The following MED16 variants were observed in gnomAD, a reference collection of about 807,000 sequenced individuals.
MED16 encodes the protein mediator of RNA polymerase II transcription subunit 16.
Under a neutral mutation model 84.4 loss-of-function variants are expected in MED16, and 81 were observed. The observed-to-expected ratio is 0.96, with a 90% CI of 0.80 to 1.15. The LOEUF is 1.15. MED16 is among the 50% of genes most tolerant of loss of function. The pLI, the probability that MED16 is intolerant of heterozygous loss-of-function variation, is 0.00. For missense variants in MED16, 1,585 were observed against 1,245.9 expected (o/e 1.27, Z -4.10); for synonymous variants, 897 against 552.2 (o/e 1.62, Z -8.76).
chr19:870,723 G>A (rs957603552), intron 13 of MED16, among the ~76,000 whole-genome samples: 4 of 151,788 alleles, frequency 2.6e-5, no homozygotes, highest in East Asian at 3.9e-4. Flanking sequence ...ATGGAGGGAA[G>A]GAGCCGTATG....
chr19:886,345 C>T, intron 4 of MED16, 144 bp from the exon 5 acceptor site: 1 of 693,768 alleles, frequency 1.4e-6, no homozygotes, highest in Non-Finnish European at 2.3e-6. Context: ...GCCACCTGAG[C>T]CGTGTGGGAT....
intron 8 of MED16, among the ~76,000 whole-genome samples, chr19:879,047 GGTTGTCAAT>G (rs2036343968): frequency 1.0e-5 from 1 of 99,674 alleles, no homozygotes; most frequent in Non-Finnish European, 1.8e-5. Context: ...ACCTTCCCCC[GGTTGTCAAT>G]GCCCACCAGC....
chr19:884,789 T>C, intron 6 of MED16, 114 bp downstream of exon 6: 4 of 772,296 alleles, frequency 5.2e-6, no homozygotes, highest in Non-Finnish European at 6.5e-6. Context: ...AGACGATCGC[T>C]TAGGGCCGGG....
rs569025712 is a variant in MED16, at chr19:881,717, G to A, written c.986-3C>T. Reference sequence around the variant, plus strand: ...AATTGTGGGCTGTTTGTCGCCAACTGAAAAATCAGGGGCAGGAAAACAGGA... The same window carrying A: ...AATTGTGGGCTGTTTGTCGCCAACTAAAAAATCAGGGGCAGGAAAACAGGA... On this transcript the variant is annotated splice_region_variant and splice_polypyrimidine_tract_variant and intron_variant, in intron 6 of 15. Transcript: ENST00000325464. 7.1e-5 allele frequency: 114 copies of A among 1,607,880 alleles called. No individual in the cohort carries two copies. The highest frequency in any genetic ancestry group is 8.5e-5 in the Non-Finnish European group (100 of 1,176,594).
chr19:890,132 C>G lies in MED16; in HGVS notation c.277+5G>C. On this transcript the variant is annotated splice_donor_5th_base_variant and intron_variant, in intron 3 of 15. Coordinates refer to ENST00000325464, the MANE Select transcript of MED16 (RefSeq NM_005481.3). ...ACCCCTGGCCACGTGGGACCAGCGC[C>G]TCACCTGACTGGTCCCACTCCAGGC... 1.9e-6 allele frequency: 3 copies of G among 1,543,310 alleles called. No individual in the cohort carries two copies. Among genetic ancestry groups the G allele is most frequent in the Non-Finnish European group, 2.6e-6 (3 of 1,142,602 alleles).
chr19:873,862 T>C (rs1255805362), intron 10 of MED16, among the ~76,000 whole-genome samples: 1 of 152,080 alleles, frequency 6.6e-6, no homozygotes, highest in Non-Finnish European at 1.5e-5. Context: ...GGGCCACCAG[T>C]GCTCAGGCCC....
intron 6 of MED16, among the ~76,000 whole-genome samples, chr19:884,403 A>T (rs1189613713): frequency 1.3e-5 from 2 of 150,606 alleles, no homozygotes; most frequent in African/African-American, 4.9e-5. Flanking sequence ...GCCCCAGAAG[A>T]GGCTGCTGGA....
chr19:868,515 C>A lies in MED16; in HGVS notation c.2400-16G>T. 1 of 1,607,860 alleles carries A rather than the reference C, an allele frequency of 6.2e-7. No homozygotes were observed. Among genetic ancestry groups the A allele is most frequent in the Non-Finnish European group, 8.5e-7 (1 of 1,179,646 alleles). On this transcript the variant is annotated splice_polypyrimidine_tract_variant and intron_variant, in intron 14 of 15. Transcript: ENST00000325464. ...ACAGCCGCACCTGCGGGGAGGCAGG[C>A]ACTGAGCGGGTTCCCACTTCCAGGC... is the stretch of plus-strand genomic sequence containing the variant.
At chr19:889,886 G>T in intron 3 of MED16, 79 bp from the exon 4 acceptor site, 2 of 1,484,906 alleles carry the variant, frequency 1.3e-6, no homozygotes, top group Non-Finnish European at 1.8e-6. Flanking sequence ...AGCGCCTGGG[G>T]GAAGCCAGCC....
rs1263764698 is a variant in MED16, at chr19:868,150, G to C, written c.2585C>G (p.Pro862Arg). Residue 862 changes from proline to arginine, a missense_variant, in exon 16 of 16, where the codon CCC becomes CGC. Coordinates refer to ENST00000325464, the MANE Select transcript of MED16 (RefSeq NM_005481.3). ...QLGPQSTHHS[P>R]RTPRSLDHLH... ...ATGGTCCAGGGATCTGGGGGTCCTG[G>C]GAGAGTGGTGTGTGGACTGCGGGCC... 2.5e-6 allele frequency: 4 copies of C among 1,611,708 alleles called. No homozygotes were observed. The Admixed American group carries it at 6.7e-5, about 27-fold the overall frequency.
At chr19:873,310 G>T (rs2036141494) in intron 11 of MED16, 139 bp downstream of exon 11, 1 of 691,496 alleles carries the variant, frequency 1.4e-6, no homozygotes, top group African/African-American at 2.0e-5. Context: ...TCCAAGTAGG[G>T]GCGGGACTCC....
At chr19:869,117 C>A (rs376132211) in intron 13 of MED16, among the ~76,000 whole-genome samples, 171 bp from the exon 14 acceptor site, 14 of 152,116 alleles carry the variant, frequency 9.2e-5, no homozygotes, top group African/African-American at 3.4e-4. Flanking sequence ...CCACCTGAGA[C>A]AGGCCCAGTA....
At chr19:873,203 G>A (rs1444947548) in intron 11 of MED16, 2 of 555,902 alleles carry the variant, frequency 3.6e-6, no homozygotes, top group East Asian at 6.6e-5. Context: ...GGAAGTGGGG[G>A]TTTAAGAAGA....
In MED16 at chr19:868,225, G is replaced by A; in HGVS notation, c.2510C>T (p.Ala837Val). Residue 837 changes from alanine (A) to valine (V), a missense_variant, in exon 16 of 16, where the codon GCC (alanine) becomes GTC (valine). Ala to Val is a moderately conservative substitution (Grantham distance 64). Transcript: ENST00000325464. Reference sequence around the variant, plus strand: ...CTCAGAAGCTCTGCTGGTCACGCAGGCGTCCGGCCCACGGCCTTCAACAGC... The same window carrying A: ...CTCAGAAGCTCTGCTGGTCACGCAGACGTCCGGCCCACGGCCTTCAACAGC... ...CLAVEGRGPD[A>V]CVTSRASEEA... 9 of 1,599,708 alleles carry A rather than the reference G, an allele frequency of 5.6e-6. No homozygotes were observed. Among genetic ancestry groups the A allele is most frequent in the Non-Finnish European group, 7.7e-6 (9 of 1,174,144 alleles).
intron 7 of MED16, among the ~76,000 whole-genome samples, chr19:880,813 C>T (rs1320821018): frequency 2.0e-5 from 3 of 151,106 alleles, no homozygotes; most frequent in Non-Finnish European, 2.9e-5. Flanking sequence ...CCCAGCTACT[C>T]GGGAGGCTGA....
chr19:876,436 C>A (rs1297271178), intron 9 of MED16, among the ~76,000 whole-genome samples: 1 of 152,122 alleles, frequency 6.6e-6, no homozygotes, highest in Non-Finnish European at 1.5e-5. Flanking sequence ...ATCCTGGTAC[C>A]CATCACATTC....
chr19:868,837 A>G (rs2035978264), intron 14 of MED16, 26 bp downstream of exon 14: 1 of 1,542,252 alleles, frequency 6.5e-7, no homozygotes, highest in Non-Finnish European at 8.7e-7. Flanking sequence ...CATCTCTGGG[A>G]GTCAGCGGTT....
At chr19:869,194 G>C (rs1474345483) in intron 13 of MED16, among the ~76,000 whole-genome samples, 5 of 152,130 alleles carry the variant, frequency 3.3e-5, no homozygotes, top group South Asian at 4.1e-4. Context: ...TTGAGGCTTA[G>C]AGACCCAGTA....
chr19:891,010 C>G lies in MED16; in HGVS notation c.122G>C (p.Cys41Ser). Residue 41 changes from cysteine (C) to serine (S), a missense_variant, in exon 2 of 16, where the codon TGC becomes TCC. Physicochemically the swap from Cys to Ser is moderately radical, Grantham distance 112. Coordinates refer to ENST00000325464, the MANE Select transcript of MED16 (RefSeq NM_005481.3). Reference protein sequence around the residue: ...PSVPLACAWSCRNLIAFTMDL... With the variant: ...PSVPLACAWSSRNLIAFTMDL... ...CATGGTGAAGGCGATGAGATTTCGG[C>G]AGGACCAGGCGCAGGCCAGGGGCAC... The G allele has an allele frequency of 2.5e-6, 4 of 1,614,046 alleles. No homozygotes were observed. Among genetic ancestry groups the G allele is most frequent in the Non-Finnish European group, 3.4e-6 (4 of 1,180,002 alleles).
Sources: allele counts gnomAD v4.1 joint callset (sites outside exome capture counted in the v4.1 genomes callset), GRCh38; gene constraint gnomAD v4.1.1; transcripts MANE v1.5; gene names NCBI Gene and HGNC (gene_info 2026-07-23, HGNC 2026-07-21).